The following ZNF782 variants were observed in gnomAD, a reference collection of about 807,000 sequenced individuals.
The protein encoded by ZNF782 is zinc finger protein 782.
In ZNF782, 12 loss-of-function variants were observed where a neutral mutation model predicts 13.0. The ratio of observed to expected loss-of-function variants is 0.92; its 90% confidence interval spans 0.59 to 1.50. The LOEUF is 1.50. ZNF782 is among the 40% of genes most tolerant of loss of function. The probability of loss-of-function intolerance (pLI) is 0.00; values close to 1 mark genes in which losing one functional copy is unlikely to be tolerated. For missense variants in ZNF782, 770 were observed against 822.9 expected, an observed-to-expected ratio of 0.94 and a Z score of 0.79; for synonymous variants, 284 against 283.0, an observed-to-expected ratio of 1.00 and a Z score of -0.04.
chr9:96,904,000 G>A, the ZNF782 span, among the ~76,000 whole-genome samples: 1 of 151,780 alleles, frequency 6.6e-6, no homozygotes, highest in Non-Finnish European at 1.5e-5. Flanking sequence ...CCAGAAATGT[G>A]TGCAAGTTCT....
chr9:96,931,228 AAG>A, the ZNF782 span, among the ~76,000 whole-genome samples: 1 of 151,534 alleles, frequency 6.6e-6, no homozygotes, highest in Non-Finnish European at 1.5e-5. Context: ...CTAGGAAAGA[AAG>A]GGGTTTACAA....
intron 1 of ZNF782, among the ~76,000 whole-genome samples, chr9:96,872,628 T>A (rs1269787893): frequency 6.6e-6 from 1 of 152,250 alleles, no homozygotes; most frequent in Non-Finnish European, 1.5e-5. Context: ...AGTCTTGATA[T>A]GTCTTAAAGC....
At chr9:96,874,748 C>A (rs1164352723) in intron 1 of ZNF782, among the ~76,000 whole-genome samples, 2 of 152,206 alleles carry the variant, frequency 1.3e-5, no homozygotes, top group Non-Finnish European at 2.9e-5. Flanking sequence ...TTCCCAGTGG[C>A]CCCCTGCTTC....
At chr9:96,829,106 C>T (rs1428681246) in intron 4 of ZNF782, among the ~76,000 whole-genome samples, 1 of 140,008 alleles carries the variant, frequency 7.1e-6, no homozygotes, top group South Asian at 2.2e-4. Flanking sequence ...AAAAAAAAAG[C>T]TGAAACAATT....
rs1588143183 is a variant in ZNF782, at chr9:96,817,614, T to C, written c.*309A>G. The C allele has an allele frequency of 4.1e-6, 1 of 246,450 alleles. No individual in the cohort carries two copies. Among genetic ancestry groups the C allele is most frequent in the African/African-American group, 2.2e-5 (1 of 44,990 alleles). The allele number at this position is 246,450 out of a possible 1,614,324, so 15.3% of individuals were successfully genotyped here. A position where few individuals can be genotyped will look rare whatever the true frequency, so the allele number is the denominator to read the frequency against. On this transcript the variant is annotated 3_prime_UTR_variant, in exon 6 of 6. Coordinates refer to ENST00000481138, the MANE Select transcript of ZNF782 (RefSeq NM_001001662.3). ...CACATTTTTATTACTTTCTCAGAGCTTTTCTGCAGCGTGAGTTTTCTGAGG... is the reference window on the plus strand; with the variant it reads ...CACATTTTTATTACTTTCTCAGAGCCTTTCTGCAGCGTGAGTTTTCTGAGG...
chr9:96,841,889 T>C (rs1851200088), intron 4 of ZNF782, among the ~76,000 whole-genome samples: 2 of 151,844 alleles, frequency 1.3e-5, no homozygotes, highest in African/African-American at 4.8e-5. Context: ...ATAAAAAGCA[T>C]ACAGATTAGA....
rs1342140417 is a variant in ZNF782, at chr9:96,819,563, G to T, written c.460C>A (p.His154Asn). Residue 154 changes from histidine to asparagine, a missense_variant, in exon 6 of 6, where the codon CAC becomes AAC. Physicochemically the swap from His to Asn is moderately conservative, Grantham distance 68. Coordinates refer to ENST00000481138, the MANE Select transcript of ZNF782 (RefSeq NM_001001662.3). Reference protein sequence around the residue: ...ACQGLSLMAPHCQYSKEKAHE... With the variant: ...ACQGLSLMAPNCQYSKEKAHE... ...GCCTTTTCTTTTGAATACTGACAGTGTGGGGCCATCAGGCTGAGCCCCTGG... is the reference window on the plus strand; with the variant it reads ...GCCTTTTCTTTTGAATACTGACAGTTTGGGGCCATCAGGCTGAGCCCCTGG... The T allele has an allele frequency of 6.2e-7, 1 of 1,613,542 alleles. No individual in the cohort carries two copies. The highest frequency in any genetic ancestry group is 1.3e-5 in the African/African-American group (1 of 74,856).
At chr9:96,926,919 CAA>C in the ZNF782 span, among the ~76,000 whole-genome samples, 2 of 152,102 alleles carry the variant, frequency 1.3e-5, no homozygotes, top group African/African-American at 4.8e-5. Flanking sequence ...CCCATCAGTG[CAA>C]AAGACTGCTG....
the ZNF782 span, among the ~76,000 whole-genome samples, chr9:96,913,569 G>C: frequency 6.6e-6 from 1 of 150,704 alleles, no homozygotes; most frequent in African/African-American, 2.4e-5. Flanking sequence ...TGATGCCCAA[G>C]CTGGAGTGCA....
At chr9:96,834,779 G>A (rs1285368708) in intron 4 of ZNF782, among the ~76,000 whole-genome samples, 1 of 152,138 alleles carries the variant, frequency 6.6e-6, no homozygotes, top group Non-Finnish European at 1.5e-5. Context: ...ACCAAGGAGT[G>A]GGTTGTTGCT....
At chr9:96,846,197 T>C (rs1315614694) in intron 3 of ZNF782, among the ~76,000 whole-genome samples, 2 of 152,150 alleles carry the variant, frequency 1.3e-5, no homozygotes, top group African/African-American at 4.8e-5. Flanking sequence ...TAAAAAGAGT[T>C]CTAAACCTTG....
Position 96,819,399 on chromosome 9 carries a change from A to T in ZNF782, c.624T>A (p.Ile208=). Residue 208 remains isoleucine, a synonymous_variant, in exon 6 of 6, where the codon ATT becomes ATA. Coordinates refer to ENST00000481138, the MANE Select transcript of ZNF782 (RefSeq NM_001001662.3). ...HKEEVIQHQT[I]QTLGQDFEYN... ...ATTCAAAATCTTGCCCCAGAGTCTG[A>T]ATTGTCTGATGTTGAATAACTTCCT... is the stretch of plus-strand genomic sequence containing the variant. 6.2e-7 allele frequency: 1 copy of T among 1,607,220 alleles called. No individual in the cohort carries two copies. The highest frequency in any genetic ancestry group is 8.5e-7 in the Non-Finnish European group (1 of 1,177,906).
rs75958803 is a variant in ZNF782 at position 96,843,237 on chromosome 9, T to C, written c.142+1653A>G. Among the ~76,000 whole-genome samples, 1,408 of 152,264 alleles carry C rather than the reference T, an allele frequency of 9.2e-3. 51 individuals carry two copies. In the East Asian group the frequency reaches 0.1, roughly 11 times the overall value. ...CTTATGTTCACAAAAAATCTGAACA[T>C]GAATGTTCACATCAACTTTATAATA... On this transcript the variant is annotated intron_variant, in intron 4 of 5. Coordinates refer to ENST00000481138, the MANE Select transcript of ZNF782 (RefSeq NM_001001662.3).
the ZNF782 span, among the ~76,000 whole-genome samples, chr9:96,924,081 C>A: frequency 1.3e-5 from 2 of 151,564 alleles, no homozygotes; most frequent in Non-Finnish European, 2.9e-5. Context: ...AGTGATCCGC[C>A]CACCTCAGCC....
At chr9:96,906,732 T>C in the ZNF782 span, among the ~76,000 whole-genome samples, 1 of 151,566 alleles carries the variant, frequency 6.6e-6, no homozygotes, top group Admixed American at 6.6e-5. Flanking sequence ...GCAGTTTTTA[T>C]AGAAGCTTTG....
chr9:96,853,679 T>C (rs962729377), intron 1 of ZNF782, among the ~76,000 whole-genome samples: 5 of 152,206 alleles, frequency 3.3e-5, no homozygotes, highest in African/African-American at 1.2e-4. Context: ...CCCTGAGTAT[T>C]TGGGGACATG....
At chr9:96,831,889 C>G (rs1194740595) in intron 4 of ZNF782, among the ~76,000 whole-genome samples, 1 of 151,924 alleles carries the variant, frequency 6.6e-6, no homozygotes, top group Non-Finnish European at 1.5e-5. Context: ...TTCAATCTAC[C>G]TATTATTTTT....
the ZNF782 span, among the ~76,000 whole-genome samples, chr9:96,881,338 G>A: frequency 6.6e-6 from 1 of 151,658 alleles, no homozygotes; most frequent in Admixed American, 6.6e-5. Flanking sequence ...TCTGTCTTGT[G>A]GTAGAAACTT....
intron 4 of ZNF782, among the ~76,000 whole-genome samples, chr9:96,842,936 A>G (rs73538642): frequency 0.029 from 4,442 of 152,246 alleles, 232 homozygotes; most frequent in African/African-American, 0.1. Flanking sequence ...ATGTGAACAC[A>G]TGAAAAGATA....
Sources: gnomAD v4.1 joint callset for allele counts (sites outside exome capture counted in the v4.1 genomes callset) on GRCh38, gnomAD v4.1.1 for gene constraint, MANE v1.5 for transcripts, NCBI Gene and HGNC (gene_info 2026-07-23, HGNC 2026-07-21) for gene names.